The following PTPRD variants were observed in gnomAD, a reference collection of about 807,000 sequenced individuals.
PTPRD encodes protein tyrosine phosphatase receptor type D.
Under a neutral mutation model 214.5 loss-of-function variants are expected in PTPRD, and 34 were observed. The observed-to-expected ratio is 0.16, with a 90% confidence interval of 0.12 to 0.21. The LOEUF (loss-of-function observed/expected upper bound fraction) is 0.21. Ranked by LOEUF, PTPRD falls within the 10% of genes least tolerant of loss-of-function variation. The pLI is 1.00. For missense variants in PTPRD, 2,545 were observed against 2,398.7 expected, an observed-to-expected ratio of 1.06 and a Z score of -1.27; for synonymous variants, 1,128 against 845.7, an observed-to-expected ratio of 1.33 and a Z score of -5.79.
rs564285456 is a variant in PTPRD at position 9,104,334 on chromosome 9, T to C, written c.-143+78970A>G. Among the ~76,000 whole-genome samples the C allele has an allele frequency of 2.0e-5, 3 of 152,240 alleles. No individual in the cohort carries two copies. The South Asian group carries it at 6.2e-4, about 32-fold the overall frequency. On this transcript the variant is annotated intron_variant, in intron 10 of 45. Coordinates refer to ENST00000381196, the MANE Select transcript of PTPRD (RefSeq NM_002839.4). ...ATTTTTTTCCCCAAACATATAAAAATGTAAAAATCATTTTTAGAATATGGG... is the reference window on the plus strand; with the variant it reads ...ATTTTTTTCCCCAAACATATAAAAACGTAAAAATCATTTTTAGAATATGGG...
intron 11 of PTPRD, among the ~76,000 whole-genome samples, chr9:8,873,061 G>C (rs1375232227): frequency 6.6e-6 from 1 of 152,238 alleles, no homozygotes; most frequent in South Asian, 2.1e-4. Flanking sequence ...TGTGTACAGT[G>C]TTACTGCAGC....
chr9:9,363,111 C>CTTTTTT (rs3048061), intron 9 of PTPRD, among the ~76,000 whole-genome samples: 2 of 129,862 alleles, frequency 1.5e-5, no homozygotes, highest in Non-Finnish European at 3.3e-5. Flanking sequence ...CTATTTTGTG[C>CTTTTTT]TTTTTTTTTT....
intron 45 of PTPRD, 128 bp from the exon 46 acceptor site, chr9:8,318,070 C>T (rs2130491651): frequency 1.3e-6 from 1 of 780,244 alleles, no homozygotes; most frequent in Non-Finnish European, 2.1e-6. Context: ...CTTTCGTCAA[C>T]TGGTCTAATC....
At chr9:9,301,980 G>C (rs886640021) in intron 9 of PTPRD, among the ~76,000 whole-genome samples, 1 of 151,910 alleles carries the variant, frequency 6.6e-6, no homozygotes, top group Non-Finnish European at 1.5e-5. Context: ...ACTATTTAAA[G>C]TCAAGTTACT....
At chr9:10,195,191 A>T (rs529149107) in intron 3 of PTPRD, among the ~76,000 whole-genome samples, 1 of 144,824 alleles carries the variant, frequency 6.9e-6, no homozygotes, top group South Asian at 2.2e-4. Flanking sequence ...AAGCATTTGT[A>T]ACAGGATGAA....
chr9:10,456,325 G>C (rs553564402), intron 2 of PTPRD, among the ~76,000 whole-genome samples: 2 of 151,852 alleles, frequency 1.3e-5, no homozygotes, highest in Non-Finnish European at 2.9e-5. Flanking sequence ...CATTTACCAA[G>C]TGAATCAAAA....
At position 8,357,141 on chromosome 9, in the gene PTPRD, G is replaced by C. The variant is rs117609644; in HGVS notation, c.4662-15163C>G. ...GACAAAGTCATGAGGAACCCAGCAT[G>C]CTGTGGGATCACACTGCAATGCCAA... On this transcript the variant is annotated intron_variant, in intron 39 of 45. Coordinates refer to ENST00000381196, the MANE Select transcript of PTPRD (RefSeq NM_002839.4). Among the ~76,000 whole-genome samples the C allele has an allele frequency of 2.9e-3, 447 of 152,308 alleles. 11 individuals carry two copies. In the East Asian group the frequency reaches 0.072, roughly 25 times the overall value.
intron 11 of PTPRD, among the ~76,000 whole-genome samples, chr9:8,756,648 C>A (rs893968138): frequency 6.6e-6 from 1 of 151,972 alleles, no homozygotes; most frequent in Non-Finnish European, 1.5e-5. Flanking sequence ...CAAGCCTAGT[C>A]CATGCTTAGG....
chr9:9,555,636 A>G (rs553245434), intron 8 of PTPRD, among the ~76,000 whole-genome samples: 9 of 152,238 alleles, frequency 5.9e-5, no homozygotes, highest in African/African-American at 2.2e-4. Context: ...GCTAAGTTCA[A>G]TATGTTGTAA....
At chr9:9,354,938 G>A (rs560959923) in intron 9 of PTPRD, among the ~76,000 whole-genome samples, 1 of 151,874 alleles carries the variant, frequency 6.6e-6, no homozygotes, top group Admixed American at 6.6e-5. Context: ...AGCAAAGGAG[G>A]AAAATGTGAC....
intron 9 of PTPRD, among the ~76,000 whole-genome samples, chr9:9,343,981 C>G (rs544731374): frequency 3.3e-5 from 5 of 152,244 alleles, no homozygotes; most frequent in African/African-American, 1.2e-4. Flanking sequence ...TTCTTCCTAA[C>G]TGAGCTTGCA....
At chr9:10,556,382 GA>G (rs1458228630) in intron 2 of PTPRD, among the ~76,000 whole-genome samples, 1 of 151,820 alleles carries the variant, frequency 6.6e-6, no homozygotes, top group Non-Finnish European at 1.5e-5. Context: ...ACAAATGGGG[GA>G]TATTATGAAA....
intron 3 of PTPRD, among the ~76,000 whole-genome samples, chr9:10,150,057 G>A (rs1233263913): frequency 6.6e-6 from 1 of 152,048 alleles, no homozygotes; most frequent in African/African-American, 2.4e-5. Flanking sequence ...ATTAAAAATT[G>A]TCAGGAAAAA....
At chr9:9,958,752 T>G (rs1008230390) in intron 4 of PTPRD, among the ~76,000 whole-genome samples, 1 of 152,150 alleles carries the variant, frequency 6.6e-6, no homozygotes, top group Non-Finnish European at 1.5e-5. Context: ...GGACAGATAC[T>G]TCAAAGAAAA....
intron 3 of PTPRD, among the ~76,000 whole-genome samples, chr9:10,296,240 T>C (rs1453661205): frequency 6.6e-6 from 1 of 152,114 alleles, no homozygotes; most frequent in African/African-American, 2.4e-5. Context: ...TTAAGTAATA[T>C]TGAAACCAAC....
At chr9:8,763,447 G>A (rs532866730) in intron 11 of PTPRD, among the ~76,000 whole-genome samples, 2 of 152,086 alleles carry the variant, frequency 1.3e-5, no homozygotes, top group African/African-American at 4.8e-5. Flanking sequence ...CCAGGAGGAG[G>A]AGGTTGCAGT....
Position 8,521,479 on chromosome 9 carries a change from A to C in PTPRD, c.759T>G (p.Val253=), listed in dbSNP as rs2138901065. 6.2e-7 allele frequency: 1 copy of C among 1,614,042 alleles called. No individual in the cohort carries two copies. Residue 253 remains valine (V), a synonymous_variant, in exon 20 of 46, where the codon GTT becomes GTG. Transcript: ENST00000381196. ...ACCCCACGGCCACACAGGTGATATT[A>C]ACGCTTCCGCCTGGCATGATTTCAT... ...TNHEIMPGGS[V]NITCVAVGSP...
intron 11 of PTPRD, among the ~76,000 whole-genome samples, chr9:9,015,699 G>A (rs560231357): frequency 3.3e-5 from 5 of 152,188 alleles, no homozygotes; most frequent in Non-Finnish European, 5.9e-5. Flanking sequence ...GGACCCCTTT[G>A]CTGTAACAAA....
chr9:8,754,512 C>G (rs2093812298), intron 11 of PTPRD, among the ~76,000 whole-genome samples: 1 of 152,134 alleles, frequency 6.6e-6, no homozygotes, highest in Admixed American at 6.6e-5. Context: ...GAAAAAGAAT[C>G]TTTTCAATCA....
Sources: gnomAD v4.1 joint callset for allele counts (sites outside exome capture counted in the v4.1 genomes callset) on GRCh38, gnomAD v4.1.1 for gene constraint, MANE v1.5 for transcripts, NCBI Gene and HGNC (gene_info 2026-07-23, HGNC 2026-07-21) for gene names.